The following VPS53 variants were observed in gnomAD, a reference collection of about 807,000 sequenced individuals.
VPS53 encodes the protein vacuolar protein sorting-associated protein 53 homolog.
A neutral mutation model predicts 107.0 loss-of-function variants in VPS53; 70 were observed. That is an observed-to-expected ratio of 0.65 (90% CI 0.54 to 0.80). The LOEUF is 0.80. Ranked by LOEUF, VPS53 falls within the 30% of genes least tolerant of loss-of-function variation. VPS53 has a pLI of 0.00. For synonymous variants in VPS53, 409 were observed against 393.3 expected, an observed-to-expected ratio of 1.04 and a Z score of -0.47; for missense variants, 917 against 1,049.4, an observed-to-expected ratio of 0.87 and a Z score of 1.74.
intron 4 of VPS53, among the ~76,000 whole-genome samples, chr17:666,980 G>T (rs1418273296): frequency 6.6e-6 from 1 of 152,210 alleles, no homozygotes; most frequent in Non-Finnish European, 1.5e-5. Context: ...TGGTGACCTT[G>T]ACAAGAGCAG....
At chr17:526,102 CATTA>C (rs1909115853) in intron 19 of VPS53, among the ~76,000 whole-genome samples, 1 of 147,304 alleles carries the variant, frequency 6.8e-6, no homozygotes, top group Non-Finnish European at 1.5e-5. Flanking sequence ...ATTTTCTGTA[CATTA>C]ATTAACTGGA....
intron 15 of VPS53, among the ~76,000 whole-genome samples, chr17:557,240 T>C (rs968109857): frequency 3.3e-5 from 5 of 152,336 alleles, no homozygotes; most frequent in East Asian, 1.9e-4. Context: ...CCTTGGCTCA[T>C]AGAAGTCTGA....
Position 586,220 on chromosome 17 carries a change from C to T in VPS53, c.1313+50G>A, listed in dbSNP as rs771222622. The T allele has an allele frequency of 4.5e-6, 7 of 1,566,852 alleles. No individual in the cohort carries two copies. The South Asian group carries it at 5.6e-5, about 12-fold the overall frequency. On this transcript the variant is annotated intron_variant, in intron 13 of 21. Transcript: ENST00000437048. ...GTGCGCTCCTAAGACCCAGTCATGA[C>T]CAGAGCGGCGAGAAATGCAGGCAGA...
chr17:536,081 C>T (rs139323920), intron 18 of VPS53, among the ~76,000 whole-genome samples: 179 of 152,274 alleles, frequency 1.2e-3, no homozygotes, highest in Non-Finnish European at 2.0e-3. Flanking sequence ...CCTGGTATCA[C>T]GGAAAATGGT....
intron 13 of VPS53, among the ~76,000 whole-genome samples, chr17:573,549 C>T (rs557414425): frequency 2.6e-5 from 4 of 152,290 alleles, no homozygotes; most frequent in Admixed American, 6.5e-5. Context: ...AGGCCACCCA[C>T]CCACATAGGA....
At chr17:561,633 A>T (rs1218923569) in intron 14 of VPS53, among the ~76,000 whole-genome samples, 1 of 152,070 alleles carries the variant, frequency 6.6e-6, no homozygotes, top group African/African-American at 2.4e-5. Context: ...TTATTTATTT[A>T]TTTATTTATT....
chr17:555,127 G>A (rs574622729), intron 15 of VPS53, among the ~76,000 whole-genome samples: 19 of 152,294 alleles, frequency 1.2e-4, no homozygotes, highest in African/African-American at 4.3e-4. Context: ...CTATGACACC[G>A]AAAATAAAAT....
At chr17:586,162 T>A in intron 13 of VPS53, 108 bp downstream of exon 13, 2 of 944,538 alleles carry the variant, frequency 2.1e-6, no homozygotes, top group South Asian at 1.4e-5. Context: ...GTCACAGGCA[T>A]GCCACAACCA....
At chr17:590,386 T>C (rs1056668895) in intron 12 of VPS53, among the ~76,000 whole-genome samples, 67 of 152,114 alleles carry the variant, frequency 4.4e-4, no homozygotes, top group Admixed American at 9.2e-4. Context: ...TCCTGCCTAA[T>C]TGCCCTGGCC....
chr17:593,254 G>T (rs995446148), intron 12 of VPS53, among the ~76,000 whole-genome samples: 1 of 152,016 alleles, frequency 6.6e-6, no homozygotes, highest in African/African-American at 2.4e-5. Context: ...CATGGGCAAG[G>T]ACTTCATGTC....
At chr17:659,272 T>C (rs1332480465) in intron 5 of VPS53, among the ~76,000 whole-genome samples, 1 of 151,868 alleles carries the variant, frequency 6.6e-6, no homozygotes, top group Non-Finnish European at 1.5e-5. Context: ...ATAGGGAGTC[T>C]TTATTTATTT....
chr17:609,533 T>C (rs2143012041), intron 11 of VPS53, among the ~76,000 whole-genome samples: 1 of 152,324 alleles, frequency 6.6e-6, no homozygotes, highest in East Asian at 1.9e-4. Flanking sequence ...AGAATTCAGA[T>C]TGCTTTGCTT....
At chr17:597,962 C>CTCTCCCTCTCCCTCTCCCCACGG (rs1968061466) in intron 12 of VPS53, among the ~76,000 whole-genome samples, 4 of 141,400 alleles carry the variant, frequency 2.8e-5, no homozygotes, top group African/African-American at 7.9e-5. Context: ...CTCCCTCTCC[C>CTCTCCCTCTCCCTCTCCCCACGG]TCTCCCTCTC....
chr17:572,768 T>C (rs1387562559), intron 13 of VPS53, among the ~76,000 whole-genome samples: 1 of 148,778 alleles, frequency 6.7e-6, no homozygotes, highest in Non-Finnish European at 1.5e-5. Flanking sequence ...CTGTGACCAC[T>C]CAGGGTTAAA....
chr17:572,074 C>T (rs1431941488), intron 13 of VPS53, among the ~76,000 whole-genome samples: 1 of 151,684 alleles, frequency 6.6e-6, no homozygotes, highest in African/African-American at 2.4e-5. Flanking sequence ...CTCTGCCCGG[C>T]CCCCATCCCA....
chr17:553,440 T>C lies in VPS53; in HGVS notation c.1727A>G (p.Lys576Arg). ...TQQLEEKLKE[K>R]VDVSLIERIN... ...TCGTTCAATCAGACTTACATCCACT[T>C]TTTCTTTGAGTTTTTCTTCTAGCTG... The change falls in exon 16 of 22, where the codon AAA becomes AGA. Residue 576 changes from lysine (K) to arginine (R), a missense_variant. Lys to Arg is a conservative substitution (Grantham distance 26). Transcript: ENST00000437048. 1 of 1,614,100 alleles carries C rather than the reference T, an allele frequency of 6.2e-7. No homozygotes were observed.
intron 5 of VPS53, chr17:656,743 A>G: frequency 1.3e-6 from 1 of 799,236 alleles, no homozygotes. Flanking sequence ...TTATCATGCC[A>G]CATTATTTTT....
At chr17:699,272 TTAAC>T (rs1156456115) in intron 3 of VPS53, 55 bp downstream of exon 3, 4 of 1,360,462 alleles carry the variant, frequency 2.9e-6, no homozygotes, top group South Asian at 3.6e-5. Context: ...CAGAATGTGA[TTAAC>T]TAAATTAACA....
At chr17:639,655 T>C (rs1442867246) in intron 7 of VPS53, among the ~76,000 whole-genome samples, 3 of 152,202 alleles carry the variant, frequency 2.0e-5, no homozygotes, top group Non-Finnish European at 4.4e-5. Context: ...CAGCTGCAGG[T>C]CTGTTGGAGT....
Sources: gnomAD v4.1 joint callset for allele counts (sites outside exome capture counted in the v4.1 genomes callset) on GRCh38, gnomAD v4.1.1 for gene constraint, MANE v1.5 for transcripts, NCBI Gene and HGNC (gene_info 2026-07-23, HGNC 2026-07-21) for gene names.